The following ADGRL3 variants were observed in gnomAD, a reference collection of about 807,000 sequenced individuals.
ADGRL3 encodes adhesion G protein-coupled receptor L3.
In ADGRL3, 62 loss-of-function variants were observed where a neutral mutation model predicts 153.5. That is an observed-to-expected ratio of 0.40 (90% CI 0.33 to 0.50). The LOEUF (loss-of-function observed/expected upper bound fraction) is 0.50. Ranked by LOEUF, ADGRL3 falls within the 20% of genes least tolerant of loss-of-function variation. ADGRL3 has a pLI of 0.47. For missense variants in ADGRL3, 1,641 were observed against 1,859.4 expected, an observed-to-expected ratio of 0.88 and a Z score of 2.16; for synonymous variants, 710 against 672.5, an observed-to-expected ratio of 1.06 and a Z score of -0.86.
chr4:61,877,874 C>T (rs1217564788), intron 9 of ADGRL3, among the ~76,000 whole-genome samples: 2 of 152,064 alleles, frequency 1.3e-5, no homozygotes, highest in Non-Finnish European at 2.9e-5. Context: ...GGGAACAGTT[C>T]CCCCATACTG....
At chr4:61,646,763 T>C (rs2094008100) in intron 5 of ADGRL3, among the ~76,000 whole-genome samples, 1 of 152,180 alleles carries the variant, frequency 6.6e-6, no homozygotes, top group South Asian at 2.1e-4. Flanking sequence ...AGGTGGAGCC[T>C]ACAGAGGCAG....
At chr4:61,627,732 G>A (rs1355994290) in intron 5 of ADGRL3, among the ~76,000 whole-genome samples, 5 of 152,120 alleles carry the variant, frequency 3.3e-5, no homozygotes, top group Admixed American at 6.6e-5. Context: ...AAATGGTAGG[G>A]TTTGGGTATT....
rs75623327 is a variant in ADGRL3, at chr4:62,001,845, A to G, written c.3395+3580A>G. ...TTTCAAAAATGTTTGTAAAATGGTG[A>G]ACAAGACAGGCCCCCTTGTTCAATT... On this transcript the variant is annotated intron_variant, in intron 21 of 26. Coordinates refer to ENST00000683033, the MANE Select transcript of ADGRL3 (RefSeq NM_001387552.1). Among the ~76,000 whole-genome samples the G allele has an allele frequency of 2.3e-3, 352 of 152,274 alleles. 3 individuals carry two copies. The highest frequency in any genetic ancestry group is 8.0e-3 in the African/African-American group (333 of 41,566).
At position 62,043,750 on chromosome 4, in the gene ADGRL3, G is replaced by C. The variant is rs1050565691; in HGVS notation, c.3718-703G>C. ...ATAAAAAAGAAAAAAATCCCCCAAT[G>C]GAAAAAGTTTATAATATCTGACCCT... On this transcript the variant is annotated intron_variant, in intron 24 of 26. Coordinates refer to ENST00000683033, the MANE Select transcript of ADGRL3 (RefSeq NM_001387552.1). Among the ~76,000 whole-genome samples, 3 of 151,838 alleles carry C rather than the reference G, an allele frequency of 2.0e-5. No individual in the cohort carries two copies. In the South Asian group the frequency reaches 6.2e-4, roughly 31 times the overall value.
At chr4:61,577,354 T>C (rs2098893386) in intron 4 of ADGRL3, among the ~76,000 whole-genome samples, 1 of 152,052 alleles carries the variant, frequency 6.6e-6, no homozygotes, top group South Asian at 2.1e-4. Flanking sequence ...TGTATAGTTT[T>C]AACTGTGACC....
At chr4:61,974,514 T>C (rs761828646) in intron 17 of ADGRL3, among the ~76,000 whole-genome samples, 2 of 152,114 alleles carry the variant, frequency 1.3e-5, no homozygotes, top group Non-Finnish European at 2.9e-5. Context: ...TCAGAATACA[T>C]TCAGATTTAA....
At chr4:61,209,416 T>A (rs76662095) in intron 1 of ADGRL3, among the ~76,000 whole-genome samples, 1 of 152,184 alleles carries the variant, frequency 6.6e-6, no homozygotes, top group African/African-American at 2.4e-5. Flanking sequence ...GAATACTTCA[T>A]GCATAGTACC....
Position 62,022,855 on chromosome 4 carries a change from G to A in ADGRL3, c.3396-6000G>A, listed in dbSNP as rs577454472. Among the ~76,000 whole-genome samples, 12 of 152,032 alleles carry A rather than the reference G, an allele frequency of 7.9e-5. 2 individuals are homozygous for A. In the South Asian group the frequency reaches 2.5e-3, roughly 32 times the overall value. On this transcript the variant is annotated intron_variant, in intron 21 of 26. Coordinates refer to ENST00000683033, the MANE Select transcript of ADGRL3 (RefSeq NM_001387552.1). ...TGACAAGGCACCTTGTCACCCAAGA[G>A]CTCTGATAGAGATATACAAGGAGAT...
intron 2 of ADGRL3, among the ~76,000 whole-genome samples, chr4:61,482,076 A>G (rs2098137526): frequency 6.6e-6 from 1 of 152,218 alleles, no homozygotes; most frequent in Non-Finnish European, 1.5e-5. Flanking sequence ...GTCTTGTTTT[A>G]ACAATCACAG....
rs143406410 is a variant in ADGRL3 at position 61,760,497 on chromosome 4, A to G, written c.1399+26943A>G. On this transcript the variant is annotated intron_variant, in intron 8 of 26. Coordinates refer to ENST00000683033, the MANE Select transcript of ADGRL3 (RefSeq NM_001387552.1). ...ATCTCCTGGTGTGCCATTTGCTAAG[A>G]CCATTGGAAAAGTGCAGTATTAGGG... Among the ~76,000 whole-genome samples, 153 of 152,206 alleles carry G rather than the reference A, an allele frequency of 1.0e-3. 3 individuals carry two copies. The East Asian group carries it at 0.028, about 28-fold the overall frequency.
chr4:61,804,669 A>C (rs1000072209), intron 8 of ADGRL3, among the ~76,000 whole-genome samples: 1 of 152,172 alleles, frequency 6.6e-6, no homozygotes, highest in African/African-American at 2.4e-5. Flanking sequence ...TCCCTTATAG[A>C]TCTGCCTTCT....
intron 5 of ADGRL3, among the ~76,000 whole-genome samples, chr4:61,630,705 AT>A (rs1170398592): frequency 2.6e-5 from 4 of 152,330 alleles, no homozygotes; most frequent in African/African-American, 9.6e-5. Context: ...GGGAAAGAAT[AT>A]TTGGTTAGGT....
chr4:61,993,983 T>G (rs1265926873), intron 19 of ADGRL3, among the ~76,000 whole-genome samples: 1 of 152,200 alleles, frequency 6.6e-6, no homozygotes, highest in Non-Finnish European at 1.5e-5. Context: ...ATAGCATTTT[T>G]TCGAACAGGT....
intron 12 of ADGRL3, among the ~76,000 whole-genome samples, chr4:61,911,677 T>G (rs2098722544): frequency 6.6e-6 from 1 of 152,152 alleles, no homozygotes; most frequent in South Asian, 2.1e-4. Flanking sequence ...GCAATTTACT[T>G]GCACTCATTC....
chr4:61,986,423 T>C (rs954492215), intron 19 of ADGRL3, among the ~76,000 whole-genome samples: 1 of 152,176 alleles, frequency 6.6e-6, no homozygotes, highest in African/African-American at 2.4e-5. Context: ...ATTTTTTGGA[T>C]AGTAGAAATC....
intron 4 of ADGRL3, among the ~76,000 whole-genome samples, chr4:61,543,283 T>C (rs529304143): frequency 9.9e-4 from 151 of 152,146 alleles, no homozygotes; most frequent in African/African-American, 3.4e-3. Flanking sequence ...CTGGATTATG[T>C]AGATGGGTTC....
At chr4:61,231,918 A>G (rs778378652) in intron 1 of ADGRL3, among the ~76,000 whole-genome samples, 5 of 151,994 alleles carry the variant, frequency 3.3e-5, no homozygotes, top group African/African-American at 1.2e-4. Flanking sequence ...TAATATTACA[A>G]TGCTAGGATG....
intron 9 of ADGRL3, among the ~76,000 whole-genome samples, chr4:61,858,064 G>A (rs1051569177): frequency 5.3e-5 from 8 of 152,172 alleles, no homozygotes; most frequent in Admixed American, 2.0e-4. Context: ...AACAGAGGCC[G>A]CTTTGTGGGA....
At chr4:61,913,026 A>G (rs2098729059) in intron 13 of ADGRL3, among the ~76,000 whole-genome samples, 2 of 152,038 alleles carry the variant, frequency 1.3e-5, no homozygotes, top group Admixed American at 1.3e-4. Flanking sequence ...AATCTATAAA[A>G]TCCCTATTTT....
Sources: allele counts gnomAD v4.1 joint callset (sites outside exome capture counted in the v4.1 genomes callset), GRCh38; gene constraint gnomAD v4.1.1; transcripts MANE v1.5; gene names NCBI Gene and HGNC (gene_info 2026-07-23, HGNC 2026-07-21).